Variants in CCL20 observed in about 807,000 individuals in gnomAD.
The protein encoded by CCL20 is C-C motif chemokine ligand 20.
Under a neutral mutation model 10.8 loss-of-function variants are expected in CCL20, and 8 were observed. The ratio of observed to expected loss-of-function variants is 0.74; its 90% CI spans 0.44 to 1.34. The LOEUF is 1.34. Among genes scored for constraint, CCL20 ranks in the 40% most tolerant of loss-of-function variants. CCL20 has a pLI of 0.01. For synonymous variants in CCL20, 40 were observed against 39.4 expected (o/e 1.02, Z -0.06); for missense variants, 107 against 117.9 (o/e 0.91, Z 0.43).
intron 2 of CCL20, chr2:227,815,787 CT>C: frequency 5.0e-6 from 2 of 402,760 alleles, no homozygotes; most frequent in Non-Finnish European, 8.7e-6. Flanking sequence ...AAGGCAAAAC[CT>C]TTTTTAAAAA....
rs1690009910 is a variant in CCL20 at position 227,815,437 on chromosome 2, C to CA, written c.77-17_77-16insA. 1 of 923,388 alleles carries CA rather than the reference C, an allele frequency of 1.1e-6. No homozygotes were observed. The highest frequency in any genetic ancestry group is 1.6e-6 in the Non-Finnish European group (1 of 639,628). 57.2% of individuals were successfully genotyped at this position (923,388 alleles called of 1,614,324 possible). A position where few individuals can be genotyped will look rare whatever the true frequency, so the allele number is the denominator to read the frequency against. On this transcript the variant is annotated splice_polypyrimidine_tract_variant and intron_variant, in intron 1 of 3. Transcript: ENST00000358813. Reference sequence around the variant, plus strand: ...ATTCATGTGGATCCAATACCTTTCACTTTTTTTTTTTTTTAGCAGCAAGCA... The same window carrying CA: ...ATTCATGTGGATCCAATACCTTTCACATTTTTTTTTTTTTTAGCAGCAAGCA...
intron 2 of CCL20, 175 bp downstream of exon 2, chr2:227,815,743 C>G (rs1690015502): frequency 3.8e-6 from 2 of 532,336 alleles, no homozygotes; most frequent in Non-Finnish European, 6.6e-6. Flanking sequence ...TAGTACATAT[C>G]TACTTTAAAG....
rs181269900 is a variant in CCL20 at position 227,817,496 on chromosome 2, G to A, written c.*413G>A. ...TTTTGTCTCCTAAATTGTTGTAATT[G>A]CATTATAAAATAAGAAAAATATTAA... is the stretch of plus-strand genomic sequence containing the variant. On this transcript the variant is annotated 3_prime_UTR_variant, in exon 4 of 4. Transcript: ENST00000358813. 6.5e-6 allele frequency: 1 copy of A among 152,702 alleles called. No individual in the cohort carries two copies. The highest frequency in any genetic ancestry group is 6.5e-5 in the Admixed American group (1 of 15,284). The allele number at this position is 152,702 out of a possible 1,614,324, so 9.5% of individuals were successfully genotyped here. A position where few individuals can be genotyped will look rare whatever the true frequency, so the allele number is the denominator to read the frequency against.
Position 227,817,268 on chromosome 2 carries a change from C to T in CCL20, c.*185C>T, listed in dbSNP as rs1690036169. The T allele has an allele frequency of 2.2e-6, 1 of 446,134 alleles. No individual in the cohort carries two copies. 27.6% of individuals were successfully genotyped at this position (446,134 alleles called of 1,614,324 possible). ...CATAGTTTGCTTTGTTTAAGCATCA[C>T]ATTAAAGTTAAACTGTATTTTATGT... On this transcript the variant is annotated 3_prime_UTR_variant, in exon 4 of 4. Coordinates refer to ENST00000358813, the MANE Select transcript of CCL20 (RefSeq NM_004591.3).
chr2:227,816,027 A>G (rs1463414425), intron 2 of CCL20: 4 of 393,170 alleles, frequency 1.0e-5, no homozygotes, highest in Middle Eastern at 7.1e-4. Context: ...GATCAGATAC[A>G]TACATATTCT....
chr2:227,815,398 C>A, intron 1 of CCL20, 56 bp from the exon 2 acceptor site: 1 of 851,802 alleles, frequency 1.2e-6, no homozygotes, highest in Non-Finnish European at 1.9e-6. Flanking sequence ...TAATACCAAT[C>A]ACAGGATAAG....
chr2:227,814,668 A>G (rs1574624183), intron 1 of CCL20, among the ~76,000 whole-genome samples: 2 of 151,968 alleles, frequency 1.3e-5, no homozygotes, highest in South Asian at 2.1e-4. Context: ...TACAGCCTCA[A>G]CCTCCTGGAG....
chr2:227,815,272 G>C (rs1690007296), intron 1 of CCL20, 182 bp from the exon 2 acceptor site: 5 of 447,740 alleles, frequency 1.1e-5, no homozygotes, highest in Non-Finnish European at 7.9e-6. Flanking sequence ...AACTATGTTA[G>C]ATTGGTTCTC....
intron 2 of CCL20, 34 bp downstream of exon 2, chr2:227,815,602 C>A: frequency 2.6e-6 from 3 of 1,174,640 alleles, no homozygotes; most frequent in African/African-American, 1.5e-5. Context: ...TCAGTTGTAT[C>A]AGGAATACCT....
At position 227,817,283 on chromosome 2, in the gene CCL20, G is replaced by T; in HGVS notation, c.*200G>T. 2.5e-6 allele frequency: 1 copy of T among 396,938 alleles called. No homozygotes were observed. Among genetic ancestry groups the T allele is most frequent in the Admixed American group, 4.4e-5 (1 of 22,822 alleles). 24.6% of individuals were successfully genotyped at this position (396,938 alleles called of 1,614,324 possible). Reference sequence around the variant, plus strand: ...TTAAGCATCACATTAAAGTTAAACTGTATTTTATGTTATTTATAGCTGTAG... The same window carrying T: ...TTAAGCATCACATTAAAGTTAAACTTTATTTTATGTTATTTATAGCTGTAG... On this transcript the variant is annotated 3_prime_UTR_variant, in exon 4 of 4. Coordinates refer to ENST00000358813, the MANE Select transcript of CCL20 (RefSeq NM_004591.3).
At chr2:227,815,411 TA>T in intron 1 of CCL20, 42 bp from the exon 2 acceptor site, 1 of 965,314 alleles carries the variant, frequency 1.0e-6, no homozygotes, top group Non-Finnish European at 1.6e-6. Context: ...AGGATAAGTT[TA>T]TTCATGTGGA....
rs761561150 is a variant in CCL20 at position 227,815,534 on chromosome 2, C to G, written c.157C>G (p.Leu53Val). The change falls in exon 2 of 4, where the codon CTG (leucine) becomes GTG (valine). Residue 53 changes from leucine (L) to valine (V), a missense_variant. Transcript: ENST00000358813. ...ATTTATTGTGGGCTTCACACGGCAGCTGGCCAATGAAGGCTGTGACATCAA... is the reference window on the plus strand; with the variant it reads ...ATTTATTGTGGGCTTCACACGGCAGGTGGCCAATGAAGGCTGTGACATCAA... Reference protein sequence around the residue: ...PKFIVGFTRQLANEGCDINAI... With the variant: ...PKFIVGFTRQVANEGCDINAI... 49 of 1,609,126 alleles carry G rather than the reference C, an allele frequency of 3.0e-5. No homozygotes were observed. Among genetic ancestry groups the G allele is most frequent in the Non-Finnish European group, 4.0e-5 (47 of 1,176,478 alleles).
chr2:227,815,580 A>C lies in CCL20; in HGVS notation c.191+12A>C. The C allele has an allele frequency of 1.4e-6, 2 of 1,390,700 alleles. No homozygotes were observed. Among genetic ancestry groups the C allele is most frequent in the Admixed American group, 1.8e-5 (1 of 55,026 alleles). 86.1% of individuals were successfully genotyped at this position (1,390,700 alleles called of 1,614,324 possible). Reference sequence around the variant, plus strand: ...ATCAATGCTATCATGTAAGTTATTAATTGATTTTAATTCAGTTGTATCAGG... The same window carrying C: ...ATCAATGCTATCATGTAAGTTATTACTTGATTTTAATTCAGTTGTATCAGG... On this transcript the variant is annotated intron_variant, in intron 2 of 3. Coordinates refer to ENST00000358813, the MANE Select transcript of CCL20 (RefSeq NM_004591.3).
At position 227,815,566 on chromosome 2, in the gene CCL20, C is replaced by CA. The variant is rs1690013340; in HGVS notation, c.190dup (p.Ile64AsnfsTer28). The CA allele has an allele frequency of 6.6e-7, 1 of 1,516,924 alleles. No individual in the cohort carries two copies. The highest frequency in any genetic ancestry group is 2.3e-5 in the East Asian group (1 of 44,172). The allele number at this position is 1,516,924 out of a possible 1,614,324, so 94.0% of individuals were successfully genotyped here. A position where few individuals can be genotyped will look rare whatever the true frequency, so the allele number is the denominator to read the frequency against. ...ATGAAGGCTGTGACATCAATGCTAT[C>CA]ATGTAAGTTATTAATTGATTTTAAT... On this transcript the variant is annotated frameshift_variant and splice_region_variant, in exon 2 of 4. Coordinates refer to ENST00000358813, the MANE Select transcript of CCL20 (RefSeq NM_004591.3). LOFTEE classifies it high-confidence loss of function.
chr2:227,813,854 C>T lies in CCL20; in HGVS notation c.-58C>T, dbSNP rs574701262. The T allele has an allele frequency of 1.9e-5, 25 of 1,292,716 alleles. No individual in the cohort carries two copies. Among genetic ancestry groups the T allele is most frequent in the South Asian group, 2.4e-5 (2 of 84,510 alleles). 80.1% of individuals were successfully genotyped at this position (1,292,716 alleles called of 1,614,324 possible). On this transcript the variant is annotated 5_prime_UTR_variant, in exon 1 of 4. Transcript: ENST00000358813. ...CCAGGCTGCTGTCAGAATATAACAGCACTCCCAAAGAACTGGGTACTCAAC... is the reference window on the plus strand; with the variant it reads ...CCAGGCTGCTGTCAGAATATAACAGTACTCCCAAAGAACTGGGTACTCAAC...
chr2:227,816,859 G>A (rs1690032060), intron 3 of CCL20, among the ~76,000 whole-genome samples: 1 of 152,190 alleles, frequency 6.6e-6, no homozygotes, highest in African/African-American at 2.4e-5. Flanking sequence ...AGTGTCCATA[G>A]CCTGTTTCTG....
chr2:227,813,976 G>A lies in CCL20; in HGVS notation c.65G>A (p.Gly22Asp). The A allele has an allele frequency of 6.2e-7, 1 of 1,613,904 alleles. No individual in the cohort carries two copies. Among genetic ancestry groups the A allele is most frequent in the Non-Finnish European group, 8.5e-7 (1 of 1,179,734 alleles). ...LMSVLLLHLC[G>D]ESEAASNFDC... is the part of the protein sequence containing the mutation. ...TCAGTGCTGCTACTCCACCTCTGCG[G>A]CGAATCAGAAGGTAAGTGTCGCTCT... Residue 22 changes from glycine (G) to aspartate (D), a missense_variant, in exon 1 of 4, where the codon GGC (glycine) becomes GAC (aspartate). Physicochemically the swap from Gly to Asp is moderately conservative, Grantham distance 94. Transcript: ENST00000358813.
At chr2:227,816,573 T>A (rs373705986) in intron 3 of CCL20, among the ~76,000 whole-genome samples, 189 bp downstream of exon 3, 1 of 152,226 alleles carries the variant, frequency 6.6e-6, no homozygotes, top group East Asian at 1.9e-4. Flanking sequence ...TATTATTATT[T>A]TAATTTAGTG....
At chr2:227,814,812 A>T (rs2106160096) in intron 1 of CCL20, among the ~76,000 whole-genome samples, 1 of 151,230 alleles carries the variant, frequency 6.6e-6, no homozygotes, top group East Asian at 2.0e-4. Flanking sequence ...GCTGGTCTCG[A>T]ACTCCTGGAG....
Sources: allele counts gnomAD v4.1 joint callset (sites outside exome capture counted in the v4.1 genomes callset), GRCh38; gene constraint gnomAD v4.1.1; transcripts MANE v1.5; gene names NCBI Gene and HGNC (gene_info 2026-07-23, HGNC 2026-07-21).